Variants in UBASH3B observed in about 807,000 individuals in gnomAD.
UBASH3B encodes ubiquitin-associated and SH3 domain-containing protein B.
In UBASH3B, 37 loss-of-function variants were observed where a neutral mutation model predicts 83.4. That is an observed-to-expected ratio of 0.44 (90% CI 0.34 to 0.58). The LOEUF is 0.58. UBASH3B is among the 20% of genes least tolerant of loss of function. The probability of loss-of-function intolerance (pLI) is 0.01; values close to 1 mark genes in which losing one functional copy is unlikely to be tolerated. For synonymous variants in UBASH3B, 304 were observed against 318.3 expected (o/e 0.96, Z 0.48); for missense variants, 657 against 827.2 (o/e 0.79, Z 2.52).
intron 1 of UBASH3B, chr11:122,773,917 T>C (rs959170723): frequency 1.1e-4 from 101 of 931,982 alleles, no homozygotes; most frequent in Non-Finnish European, 1.3e-4. Context: ...TAGCACATTG[T>C]CTGGTGCCAC....
At chr11:122,765,928 C>A (rs1373058145) in intron 1 of UBASH3B, among the ~76,000 whole-genome samples, 1 of 152,174 alleles carries the variant, frequency 6.6e-6, no homozygotes, top group African/African-American at 2.4e-5. Flanking sequence ...TCCTGCTCAG[C>A]TTAAAATTGT....
chr11:122,782,827 G>A lies in UBASH3B; in HGVS notation c.602-226G>A, dbSNP rs1860878699. 5.8e-6 allele frequency: 3 copies of A among 515,124 alleles called. No homozygotes were observed. In the East Asian group the frequency reaches 9.9e-5, roughly 17 times the overall value. 31.9% of individuals were successfully genotyped at this position (515,124 alleles called of 1,614,324 possible). On this transcript the variant is annotated intron_variant, in intron 4 of 13. Coordinates refer to ENST00000284273, the MANE Select transcript of UBASH3B (RefSeq NM_032873.5). ...CCTCAGCTGACCCGCAGCTCCTAGAGGAAAGCCGTATGGTGGCTATCTCTT... is the reference window on the plus strand; with the variant it reads ...CCTCAGCTGACCCGCAGCTCCTAGAAGAAAGCCGTATGGTGGCTATCTCTT...
chr11:122,771,279 G>A (rs1470318474), intron 1 of UBASH3B, among the ~76,000 whole-genome samples: 3 of 149,250 alleles, frequency 2.0e-5, no homozygotes, highest in Non-Finnish European at 4.4e-5. Context: ...GTCACCCAGG[G>A]TGGAGTGCAA....
At chr11:122,789,037 C>A in intron 5 of UBASH3B, 63 bp from the exon 6 acceptor site, 1 of 1,476,018 alleles carries the variant, frequency 6.8e-7, no homozygotes, top group Non-Finnish European at 9.4e-7. Context: ...TACAGTCCTG[C>A]CCTCAAGGCG....
At chr11:122,660,073 C>T (rs1334946923) in intron 1 of UBASH3B, among the ~76,000 whole-genome samples, 3 of 152,184 alleles carry the variant, frequency 2.0e-5, no homozygotes, top group Non-Finnish European at 2.9e-5. Flanking sequence ...TTGTTAAGTG[C>T]TTGACAGAGC....
rs763039623 is a variant in UBASH3B at position 122,759,853 on chromosome 11, G to A, written c.162-16366G>A. Among the ~76,000 whole-genome samples, 2 of 152,226 alleles carry A rather than the reference G, an allele frequency of 1.3e-5. No homozygotes were observed. Among genetic ancestry groups the A allele is most frequent in the African/African-American group, 4.8e-5 (2 of 41,464 alleles). On this transcript the variant is annotated intron_variant, in intron 1 of 13. Transcript: ENST00000284273. This position sits in a 1 kb window ranked among gnomAD's most constrained non-coding sequence, Gnocchi z 4.1. Reference sequence around the variant, plus strand: ...TGTGGCTCAGGGGTTGGAGACACCTGACTTAGATGTGTCTTATGTGTGTCA... The same window carrying A: ...TGTGGCTCAGGGGTTGGAGACACCTAACTTAGATGTGTCTTATGTGTGTCA...
At chr11:122,808,241 C>T (rs1335886193) in intron 13 of UBASH3B, 65 bp downstream of exon 13, 8 of 1,242,300 alleles carry the variant, frequency 6.4e-6, no homozygotes, top group Non-Finnish European at 9.5e-6. Context: ...CAGTGACTGG[C>T]TGATTACCAA....
At chr11:122,703,626 G>A (rs1471914335) in intron 1 of UBASH3B, among the ~76,000 whole-genome samples, 1 of 152,194 alleles carries the variant, frequency 6.6e-6, no homozygotes, top group African/African-American at 2.4e-5. Flanking sequence ...TTTAGACATT[G>A]TGAATAAGTG....
intron 5 of UBASH3B, among the ~76,000 whole-genome samples, chr11:122,788,052 A>G (rs954635766): frequency 6.6e-6 from 1 of 152,220 alleles, no homozygotes; most frequent in African/African-American, 2.4e-5. Flanking sequence ...ACATACCAGG[A>G]AACGAAGGCA....
intron 1 of UBASH3B, among the ~76,000 whole-genome samples, chr11:122,663,045 C>T (rs557103691): frequency 6.7e-5 from 10 of 148,768 alleles, no homozygotes; most frequent in South Asian, 2.1e-4. Flanking sequence ...GGCACAATCC[C>T]GGCTCACTGC....
intron 1 of UBASH3B, among the ~76,000 whole-genome samples, chr11:122,762,839 T>C (rs1860466931): frequency 2.0e-5 from 3 of 152,218 alleles, no homozygotes; most frequent in Non-Finnish European, 1.5e-5. Context: ...TCAAAATATT[T>C]CTATTAGCAT....
chr11:122,798,867 C>A (rs116267575), intron 9 of UBASH3B, 75 bp from the exon 10 acceptor site: 7 of 1,217,346 alleles, frequency 5.8e-6, no homozygotes, highest in Non-Finnish European at 8.4e-6. Context: ...TACTGCTTGG[C>A]CCCCTCTCAC....
chr11:122,729,849 C>G (rs778442814), intron 1 of UBASH3B, among the ~76,000 whole-genome samples: 2 of 146,076 alleles, frequency 1.4e-5, no homozygotes, highest in African/African-American at 5.1e-5. Flanking sequence ...CAGTTAGCTT[C>G]GTACCTGAGG....
Position 122,655,979 on chromosome 11 carries a change from G to T in UBASH3B, c.-71G>T. 1 of 1,226,140 alleles carries T rather than the reference G, an allele frequency of 8.2e-7. No individual in the cohort carries two copies. The highest frequency in any genetic ancestry group is 1.7e-5 in the South Asian group (1 of 58,454). The allele number at this position is 1,226,140 out of a possible 1,614,324, so 76.0% of individuals were successfully genotyped here. ...TCCCCGAGCCCCCTCCCCTGGCCCAGCCCGACTCCCTCCTCCTTCCCGAAC... is the reference window on the plus strand; with the variant it reads ...TCCCCGAGCCCCCTCCCCTGGCCCATCCCGACTCCCTCCTCCTTCCCGAAC... On this transcript the variant is annotated 5_prime_UTR_variant, in exon 1 of 14. Transcript: ENST00000284273.
At chr11:122,734,052 A>AT (rs907132194) in intron 1 of UBASH3B, among the ~76,000 whole-genome samples, 5 of 151,926 alleles carry the variant, frequency 3.3e-5, no homozygotes, top group African/African-American at 1.2e-4. Flanking sequence ...CACCTCATTA[A>AT]TTTTTTGTGT....
At chr11:122,776,687 A>C (rs547225636) in intron 2 of UBASH3B, among the ~76,000 whole-genome samples, 2 of 152,270 alleles carry the variant, frequency 1.3e-5, no homozygotes, top group South Asian at 4.2e-4. Context: ...GTTTAATTAC[A>C]GGCTGACCTG....
chr11:122,799,275 G>A (rs538790994), intron 10 of UBASH3B, among the ~76,000 whole-genome samples: 1 of 152,258 alleles, frequency 6.6e-6, no homozygotes, highest in Admixed American at 6.5e-5. Flanking sequence ...CAGATCACCT[G>A]AGGTCAGGAG....
chr11:122,800,383 CA>C (rs540359065), intron 10 of UBASH3B, among the ~76,000 whole-genome samples: 18,978 of 76,700 alleles, frequency 0.25, 1,644 homozygotes, highest in East Asian at 0.42. Flanking sequence ...ACTAAAAATA[CA>C]AAAAAAAAAA....
intron 12 of UBASH3B, among the ~76,000 whole-genome samples, chr11:122,807,458 A>T (rs1302620991): frequency 1.3e-5 from 2 of 152,208 alleles, no homozygotes; most frequent in African/African-American, 2.4e-5. Flanking sequence ...ATAGTTATGT[A>T]AGATGTTACC....
Sources: allele counts gnomAD v4.1 joint callset (sites outside exome capture counted in the v4.1 genomes callset), GRCh38; gene constraint gnomAD v4.1.1; non-coding constraint Gnocchi (gnomAD v3.1); transcripts MANE v1.5; gene names NCBI Gene and HGNC (gene_info 2026-07-23, HGNC 2026-07-21).